Variants in DHX8 observed in about 807,000 individuals in gnomAD.
The protein encoded by DHX8 is ATP-dependent RNA helicase DHX8.
DHX8 carries 67 observed loss-of-function variants against 140.7 expected under a neutral mutation model. That is an observed-to-expected ratio of 0.48 (90% CI 0.39 to 0.58). The LOEUF (loss-of-function observed/expected upper bound fraction) is 0.58, where lower values mean the gene tolerates loss of function less well. Among genes scored for constraint, DHX8 ranks in the 20% least tolerant of loss-of-function variants. The pLI is 0.00. For synonymous variants in DHX8, 533 were observed against 553.2 expected, an observed-to-expected ratio of 0.96 and a Z score of 0.51; for missense variants, 887 against 1,550.7, an observed-to-expected ratio of 0.57 and a Z score of 7.19.
chr17:43,484,231 A>C (rs775452499), intron 1 of DHX8, 46 bp downstream of exon 1: 1 of 1,481,366 alleles, frequency 6.8e-7, no homozygotes, highest in Non-Finnish European at 9.0e-7. Context: ...GATTGAGGGA[A>C]GCGGAAGGAG....
rs1970520938 is a variant in DHX8 at position 43,524,202 on chromosome 17, C to T, written c.*355C>T. 1 of 1,131,956 alleles carries T rather than the reference C, an allele frequency of 8.8e-7. No homozygotes were observed. The highest frequency in any genetic ancestry group is 1.1e-6 in the Non-Finnish European group (1 of 917,446). 70.1% of individuals were successfully genotyped at this position (1,131,956 alleles called of 1,614,324 possible). Reference sequence around the variant, plus strand: ...AGGGACATGGTGAGTGCCCTGATGCCCCAGCTAGCAGGAGCTACTGTGCTC... The same window carrying T: ...AGGGACATGGTGAGTGCCCTGATGCTCCAGCTAGCAGGAGCTACTGTGCTC... On this transcript the variant is annotated 3_prime_UTR_variant, in exon 23 of 23. Transcript: ENST00000262415.
At chr17:43,516,168 TA>T (rs1355206889) in intron 17 of DHX8, among the ~76,000 whole-genome samples, 2 of 152,300 alleles carry the variant, frequency 1.3e-5, no homozygotes. Flanking sequence ...CAGTTTTGTA[TA>T]TTTTTTTGAG....
chr17:43,539,638 C>T (rs746039382), intron 3 of DHX8, among the ~76,000 whole-genome samples: 11 of 152,134 alleles, frequency 7.2e-5, no homozygotes, highest in Non-Finnish European at 1.0e-4. Context: ...ATGCAATAAT[C>T]GTTTGTCCTC....
chr17:43,499,173 T>A (rs1969043817), intron 10 of DHX8, among the ~76,000 whole-genome samples: 1 of 152,192 alleles, frequency 6.6e-6, no homozygotes, highest in South Asian at 2.1e-4. Context: ...TTTTGTGTAT[T>A]TTGGGTGGAA....
intron 2 of DHX8, among the ~76,000 whole-genome samples, chr17:43,533,699 C>T (rs934359670): frequency 1.3e-5 from 2 of 152,078 alleles, no homozygotes; most frequent in African/African-American, 4.8e-5. Flanking sequence ...TCCGTCTATT[C>T]AGAGGAAATC....
downstream of DHX8, chr17:43,528,833 A>G (rs2154587021): frequency 9.7e-7 from 1 of 1,030,658 alleles, no homozygotes; most frequent in East Asian, 2.5e-5. Flanking sequence ...TGGCCCTTCT[A>G]CCAGTACAGG....
At position 43,484,145 on chromosome 17, in the gene DHX8, T is replaced by C; in HGVS notation, c.108T>C (p.Thr36=). The change falls in exon 1 of 23, where the codon ACT becomes ACC. Residue 36 remains threonine (T), a synonymous_variant. Coordinates refer to ENST00000262415, the MANE Select transcript of DHX8 (RefSeq NM_004941.3). ...TGTCTTTGGTGTCAAAGGTTTGCAC[T>C]GAGCTGGACAATCACTTGGGGATCA... ...EYLSLVSKVC[T]ELDNHLGIND... 6.2e-7 allele frequency: 1 copy of C among 1,614,220 alleles called. No homozygotes were observed. The highest frequency in any genetic ancestry group is 8.5e-7 in the Non-Finnish European group (1 of 1,180,036).
intron 3 of DHX8, among the ~76,000 whole-genome samples, chr17:43,543,276 A>ACTCTCTCTCTCTCT (rs60214474): frequency 1.1e-3 from 154 of 138,248 alleles, no homozygotes; most frequent in African/African-American, 4.1e-3. Flanking sequence ...ACACACACAC[A>ACTCTCTCTCTCTCT]CTCTCTCTCT....
intron 18 of DHX8, 131 bp from the exon 19 acceptor site, chr17:43,519,999 C>A: frequency 1.1e-6 from 1 of 946,476 alleles, no homozygotes; most frequent in Non-Finnish European, 1.6e-6. Context: ...CTGGAAGTTA[C>A]CGCCAGTCTC....
downstream of DHX8, chr17:43,530,379 C>A (rs905396349): frequency 2.8e-6 from 4 of 1,444,762 alleles, no homozygotes; most frequent in Admixed American, 1.1e-4. Flanking sequence ...GGAACCCCTC[C>A]TCAACTTGAG....
At chr17:43,501,657 G>A (rs1486444056) in intron 11 of DHX8, among the ~76,000 whole-genome samples, 5 of 152,056 alleles carry the variant, frequency 3.3e-5, no homozygotes, top group Non-Finnish European at 7.4e-5. Context: ...CTAATTTTTT[G>A]TATTTTTAGT....
chr17:43,496,278 C>T lies in DHX8; in HGVS notation c.1300+10C>T, dbSNP rs1234581696. On this transcript the variant is annotated intron_variant, in intron 9 of 22. Transcript: ENST00000262415. Reference sequence around the variant, plus strand: ...GTGGATGATGAAGAAGGTAACTAGTCAGTTGGATCGAGAAGGGTAATTGGC... The same window carrying T: ...GTGGATGATGAAGAAGGTAACTAGTTAGTTGGATCGAGAAGGGTAATTGGC... The T allele has an allele frequency of 1.2e-6, 2 of 1,603,158 alleles. No individual in the cohort carries two copies. Among genetic ancestry groups the T allele is most frequent in the Non-Finnish European group, 1.7e-6 (2 of 1,171,052 alleles).
rs1968686440 is a variant in DHX8 at position 43,493,822 on chromosome 17, A to T, written c.1148A>T (p.Asp383Val). 1 of 1,614,188 alleles carries T rather than the reference A, an allele frequency of 6.2e-7. No homozygotes were observed. Among genetic ancestry groups the T allele is most frequent in the Non-Finnish European group, 8.5e-7 (1 of 1,180,032 alleles). The change falls in exon 8 of 23, where the codon GAC becomes GTC. Residue 383 changes from aspartate (D) to valine (V), a missense_variant. This residue lies in a region of DHX8 where 98 missense variants were observed against 152.7 expected (regional missense o/e 0.64). Transcript: ENST00000262415. ...CTTGTCAGTGCTCCTGAAGTAGAGG[A>T]CGACTCACTGGAACGCAAGCGCCTC... ...LSLVSAPEVEDDSLERKRLTR... is the reference protein window; with the variant it reads ...LSLVSAPEVEVDSLERKRLTR...
At chr17:43,520,001 G>A (rs567088843) in intron 18 of DHX8, 129 bp from the exon 19 acceptor site, 31 of 977,792 alleles carry the variant, frequency 3.2e-5, no homozygotes, top group African/African-American at 1.6e-4. Context: ...GGAAGTTACC[G>A]CCAGTCTCAC....
intron 9 of DHX8, among the ~76,000 whole-genome samples, chr17:43,497,199 G>T (rs1354669791): frequency 6.6e-6 from 1 of 151,702 alleles, no homozygotes; most frequent in Non-Finnish European, 1.5e-5. Context: ...GTCTATTTTT[G>T]AACTTAACTC....
At chr17:43,513,559 A>T in intron 17 of DHX8, 57 bp downstream of exon 17, 1 of 1,573,584 alleles carries the variant, frequency 6.4e-7, no homozygotes, top group Non-Finnish European at 8.6e-7. Context: ...CCTTTCTGAA[A>T]CTTTTTTATG....
chr17:43,516,888 G>A (rs1406326592), intron 17 of DHX8, among the ~76,000 whole-genome samples: 5 of 152,012 alleles, frequency 3.3e-5, no homozygotes, highest in East Asian at 1.9e-4. Flanking sequence ...TTTATATTGC[G>A]CCACACTATT....
At chr17:43,537,776 C>T (rs895409162) in intron 3 of DHX8, among the ~76,000 whole-genome samples, 2 of 151,570 alleles carry the variant, frequency 1.3e-5, no homozygotes, top group Non-Finnish European at 2.9e-5. Flanking sequence ...GGGCGGATCA[C>T]GAGGTCAGGA....
In DHX8 at chr17:43,491,101, A is replaced by G. The variant is rs557841045; in HGVS notation, c.308-64A>G. ...ATCTATTGTTGAAGTTATTTTGTTA[A>G]TCATTAATAATATTAAATATATATC... On this transcript the variant is annotated intron_variant, in intron 3 of 22. Transcript: ENST00000262415. The G allele has an allele frequency of 4.3e-4, 284 of 663,598 alleles. 1 individual carries two copies. In the Middle Eastern group the frequency reaches 7.0e-3, roughly 16 times the overall value. 41.1% of individuals were successfully genotyped at this position (663,598 alleles called of 1,614,324 possible). A position where few individuals can be genotyped will look rare whatever the true frequency, so the allele number is the denominator to read the frequency against.
Sources: allele counts gnomAD v4.1 joint callset (sites outside exome capture counted in the v4.1 genomes callset), GRCh38; gene constraint gnomAD v4.1.1; regional missense constraint gnomAD v4.1.1; transcripts MANE v1.5; gene names NCBI Gene and HGNC (gene_info 2026-07-23, HGNC 2026-07-21).